The following JPH2 variants were observed in gnomAD, a reference collection of about 807,000 sequenced individuals.
JPH2 encodes junctophilin 2.
JPH2 carries 38 observed loss-of-function variants against 55.9 expected under a neutral mutation model. The observed-to-expected ratio is 0.68, with a 90% confidence interval of 0.52 to 0.89. JPH2 has a LOEUF of 0.89. Among genes scored for constraint, JPH2 ranks in the 40% least tolerant of loss-of-function variants. The probability of loss-of-function intolerance (pLI) is 0.00; values close to 1 mark genes in which losing one functional copy is unlikely to be tolerated. For missense variants in JPH2, 964 were observed against 1,037.6 expected (o/e 0.93, Z 0.97); for synonymous variants, 480 against 472.4 (o/e 1.02, Z -0.21).
rs146788935 is a variant in JPH2, at chr20:44,138,168, C to T, written c.1170-19545G>A. Among the ~76,000 whole-genome samples the T allele has an allele frequency of 9.0e-3, 1,361 of 151,670 alleles. 24 individuals carry two copies. The highest frequency in any genetic ancestry group is 0.032 in the African/African-American group (1,304 of 41,300). On this transcript the variant is annotated intron_variant, in intron 2 of 5. Transcript: ENST00000372980. ...GATTACAGGTGCCCGCCACCACGCC[C>T]GGCCAATTTTTGTATTTTTAGTAGA... is the stretch of plus-strand genomic sequence containing the variant.
rs377366285 is a variant in JPH2, at chr20:44,115,961, G to T, written c.1714C>A (p.Arg572Ser). The T allele has an allele frequency of 1.3e-6, 2 of 1,572,222 alleles. No homozygotes were observed. The highest frequency in any genetic ancestry group is 4.6e-5 in the East Asian group (2 of 43,646). Residue 572 changes from arginine to serine, a missense_variant, in exon 4 of 6, where the codon CGC becomes AGC. Transcript: ENST00000372980. ...GGTGGGGGCTCGGGCGGCGTGGTGC[G>T]CACAGCATAGCTGTGGTAGCCCTGG... is the stretch of plus-strand genomic sequence containing the variant. ...LYQGYHSYAVRTTPPEPPPFE... is the reference protein window; with the variant it reads ...LYQGYHSYAVSTTPPEPPPFE...
intron 2 of JPH2, among the ~76,000 whole-genome samples, chr20:44,135,531 T>C (rs1474084434): frequency 6.6e-6 from 1 of 152,228 alleles, no homozygotes; most frequent in Non-Finnish European, 1.5e-5. Flanking sequence ...GCCAGCTCTC[T>C]ACCGTCTCCT....
intron 2 of JPH2, among the ~76,000 whole-genome samples, chr20:44,148,095 A>G (rs772250627): frequency 6.6e-6 from 1 of 152,122 alleles, no homozygotes; most frequent in Admixed American, 6.6e-5. Context: ...CCCGGGAGGC[A>G]GAGGTTGCGG....
chr20:44,128,514 T>C (rs550298584), intron 2 of JPH2, among the ~76,000 whole-genome samples: 2 of 152,212 alleles, frequency 1.3e-5, no homozygotes, highest in African/African-American at 4.8e-5. Flanking sequence ...AGAAAGCCCA[T>C]GGGGTGGGTG....
At chr20:44,132,020 G>C (rs1227809813) in intron 2 of JPH2, among the ~76,000 whole-genome samples, 1 of 152,086 alleles carries the variant, frequency 6.6e-6, no homozygotes, top group African/African-American at 2.4e-5. Context: ...TGAGCTACAC[G>C]GTATTTACTG....
At position 44,109,309 on chromosome 20, in the gene JPH2, A is replaced by G. The variant is rs896134170; in HGVS notation, c.*4209T>C. Among the ~76,000 whole-genome samples, 10 of 152,242 alleles carry G rather than the reference A, an allele frequency of 6.6e-5. No individual in the cohort carries two copies. The highest frequency in any genetic ancestry group is 2.4e-4 in the African/African-American group (10 of 41,464). ...TGCGAAGAATGGAAAATAGCAGTGC[A>G]TTTACCATCTGCTCACACCATGCTG... is the stretch of plus-strand genomic sequence containing the variant. On this transcript the variant is annotated 3_prime_UTR_variant, in exon 6 of 6. Transcript: ENST00000372980.
chr20:44,186,648 C>A lies in JPH2; in HGVS notation c.58G>T (p.Gly20Trp). The A allele has an allele frequency of 4.4e-6, 7 of 1,608,574 alleles. No individual in the cohort carries two copies. Among genetic ancestry groups the A allele is most frequent in the Non-Finnish European group, 5.1e-6 (6 of 1,179,716 alleles). Residue 20 changes from glycine (G) to tryptophan (W), a missense_variant, in exon 1 of 6, where the codon GGG (glycine) becomes TGG (tryptophan). Coordinates refer to ENST00000372980, the MANE Select transcript of JPH2 (RefSeq NM_020433.5). ...AGTCCATGCCCATGGGCCTTTCCCC[C>A]CTCCCAGCCCCCGCAGTACGCCCCT... ...DGGAYCGGWE[G>W]GKAHGHGLCT...
intron 1 of JPH2, among the ~76,000 whole-genome samples, chr20:44,162,773 TATATATATATATATACACACACACAC>T (rs1186837223): frequency 7.3e-5 from 6 of 81,912 alleles, no homozygotes; most frequent in African/African-American, 3.1e-4. Context: ...TATATATATA[TATATATATATATATACACACACACAC>T]ACACACACAC....
intron 1 of JPH2, among the ~76,000 whole-genome samples, chr20:44,178,327 A>G (rs556582324): frequency 6.6e-6 from 1 of 152,280 alleles, no homozygotes; most frequent in Non-Finnish European, 1.5e-5. Context: ...TGAAAAAATA[A>G]AATGTTAAAT....
chr20:44,143,888 G>A (rs968573983), intron 2 of JPH2, among the ~76,000 whole-genome samples: 6 of 152,146 alleles, frequency 3.9e-5, no homozygotes, highest in Non-Finnish European at 8.8e-5. Context: ...GCTGGTGGCC[G>A]GCACTGGGCT....
At chr20:44,129,810 G>A (rs1429039994) in intron 2 of JPH2, among the ~76,000 whole-genome samples, 11 of 152,122 alleles carry the variant, frequency 7.2e-5, no homozygotes, top group African/African-American at 2.7e-4. Context: ...ATAAGAGGGA[G>A]ATTTGATAAC....
At chr20:44,183,454 C>T (rs910205756) in intron 1 of JPH2, among the ~76,000 whole-genome samples, 2 of 152,220 alleles carry the variant, frequency 1.3e-5, no homozygotes, top group African/African-American at 2.4e-5. Flanking sequence ...CTTCCAAACA[C>T]GGTCTCGAGG....
intron 1 of JPH2, 58 bp downstream of exon 1, chr20:44,186,269 A>G: frequency 6.3e-7 from 1 of 1,581,802 alleles, no homozygotes; most frequent in Non-Finnish European, 8.6e-7. Flanking sequence ...ACCCTCCACC[A>G]GGGTTTCTCA....
intron 2 of JPH2, among the ~76,000 whole-genome samples, chr20:44,158,187 C>T (rs187026316): frequency 1.7e-3 from 256 of 152,304 alleles, no homozygotes; most frequent in Non-Finnish European, 2.6e-3. Context: ...CGGCAGCTGC[C>T]GGTGGACCTC....
intron 2 of JPH2, among the ~76,000 whole-genome samples, chr20:44,133,813 G>T (rs891900709): frequency 1.4e-5 from 2 of 138,900 alleles, no homozygotes; most frequent in Admixed American, 8.2e-5. Flanking sequence ...TAGGCAGGGG[G>T]CGATATAAAT....
rs532085814 is a variant in JPH2 at position 44,114,963 on chromosome 20, G to A, written c.2011-87C>T. 8.5e-4 allele frequency: 863 copies of A among 1,012,690 alleles called. 13 individuals are homozygous for A. In the South Asian group the frequency reaches 0.011, roughly 13 times the overall value. 62.7% of individuals were successfully genotyped at this position (1,012,690 alleles called of 1,614,324 possible). Reference sequence around the variant, plus strand: ...GTCACAGCAAGGCTGGACAGAGCAGGAACTTCTGGATGGACCTTCCTAAGA... The same window carrying A: ...GTCACAGCAAGGCTGGACAGAGCAGAAACTTCTGGATGGACCTTCCTAAGA... On this transcript the variant is annotated intron_variant, in intron 4 of 5. Transcript: ENST00000372980.
Position 44,159,510 on chromosome 20 carries a change from T to G in JPH2, c.1169+108A>C. On this transcript the variant is annotated intron_variant, in intron 2 of 5. Coordinates refer to ENST00000372980, the MANE Select transcript of JPH2 (RefSeq NM_020433.5). The surrounding 1 kb of genome is among the most constrained non-coding windows in gnomAD (Gnocchi z 5.7). ...AATTAACCCCTGAAGGTGATGGGGG[T>G]AAAAGAAGCAGAATCAGGCTTGGAG... is the stretch of plus-strand genomic sequence containing the variant. 2 of 1,187,078 alleles carry G rather than the reference T, an allele frequency of 1.7e-6. No homozygotes were observed. The highest frequency in any genetic ancestry group is 2.4e-6 in the Non-Finnish European group (2 of 836,226). The allele number at this position is 1,187,078 out of a possible 1,614,324, so 73.5% of individuals were successfully genotyped here.
At chr20:44,156,766 C>T (rs976023112) in intron 2 of JPH2, among the ~76,000 whole-genome samples, 1 of 152,178 alleles carries the variant, frequency 6.6e-6, no homozygotes, top group Admixed American at 6.5e-5. Flanking sequence ...AAAGTTCCCA[C>T]GTCTTAATGT....
At chr20:44,140,650 TC>T (rs1178299156) in intron 2 of JPH2, among the ~76,000 whole-genome samples, 1 of 151,962 alleles carries the variant, frequency 6.6e-6, no homozygotes, top group East Asian at 1.9e-4. Flanking sequence ...ATGGCACATG[TC>T]CTCTAGCAGC....
Sources: allele counts gnomAD v4.1 joint callset (sites outside exome capture counted in the v4.1 genomes callset), GRCh38; gene constraint gnomAD v4.1.1; non-coding constraint Gnocchi (gnomAD v3.1); transcripts MANE v1.5; gene names NCBI Gene and HGNC (gene_info 2026-07-23, HGNC 2026-07-21).